Variants in ARL15 observed in about 807,000 individuals in gnomAD.
ARL15 encodes the protein ARF like GTPase 15, also known as ADP-ribosylation factor-like protein 15.
In ARL15, 19 loss-of-function variants were observed where a neutral mutation model predicts 25.2. That is an observed-to-expected ratio of 0.75 (90% CI 0.53 to 1.10). The LOEUF (loss-of-function observed/expected upper bound fraction) is 1.10. Among genes scored for constraint, ARL15 ranks in the 50% least tolerant of loss-of-function variants. ARL15 has a pLI of 0.00. For missense variants in ARL15, 220 were observed against 246.0 expected (o/e 0.89, Z 0.71); for synonymous variants, 94 against 86.8 (o/e 1.08, Z -0.46).
chr5:54,211,492 CAG>C (rs1244675645), intron 1 of ARL15, among the ~76,000 whole-genome samples: 81 of 82,762 alleles, frequency 9.8e-4, no homozygotes, highest in African/African-American at 3.6e-3. Context: ...TTTTTTGAGA[CAG>C]AGTTTCACTT....
chr5:54,237,171 G>A (rs1215920840), intron 1 of ARL15, among the ~76,000 whole-genome samples: 1 of 152,222 alleles, frequency 6.6e-6, no homozygotes, highest in Non-Finnish European at 1.5e-5. Context: ...TAGTGAATAA[G>A]TGTCAAGAGA....
At chr5:54,294,666 T>C (rs549964335) in intron 1 of ARL15, among the ~76,000 whole-genome samples, 1 of 152,370 alleles carries the variant, frequency 6.6e-6, no homozygotes, top group South Asian at 2.1e-4. Flanking sequence ...AAAGCGACTA[T>C]GTTTTATTTC....
chr5:54,183,721 A>G (rs1234512113), intron 1 of ARL15, among the ~76,000 whole-genome samples: 1 of 149,758 alleles, frequency 6.7e-6, no homozygotes. Context: ...AACTAGAAAT[A>G]CCATTTGACC....
intron 1 of ARL15, among the ~76,000 whole-genome samples, chr5:54,174,890 T>A (rs1255582083): frequency 6.6e-6 from 1 of 152,182 alleles, no homozygotes; most frequent in Non-Finnish European, 1.5e-5. Flanking sequence ...ACAACAAAAC[T>A]AGTCACACAG....
chr5:54,198,549 G>A (rs1411804426), intron 1 of ARL15, among the ~76,000 whole-genome samples: 1 of 145,864 alleles, frequency 6.9e-6, no homozygotes, highest in Non-Finnish European at 1.5e-5. Flanking sequence ...ATTCACAATT[G>A]CTTCAAAGAG....
chr5:53,918,179 G>T (rs1052509597), intron 4 of ARL15, among the ~76,000 whole-genome samples: 2 of 151,956 alleles, frequency 1.3e-5, no homozygotes, highest in Admixed American at 1.3e-4. Flanking sequence ...AGAAAAAGCA[G>T]ATTTTATTTA....
At chr5:54,308,152 T>G (rs1016032300) in intron 1 of ARL15, among the ~76,000 whole-genome samples, 1 of 152,084 alleles carries the variant, frequency 6.6e-6, no homozygotes, top group African/African-American at 2.4e-5. Flanking sequence ...AAGCAAAAGG[T>G]GAACACAAAA....
chr5:54,040,589 A>G (rs1304876236), intron 4 of ARL15, among the ~76,000 whole-genome samples: 8 of 152,188 alleles, frequency 5.3e-5, no homozygotes, highest in African/African-American at 1.9e-4. Context: ...AGAGCTACTA[A>G]CTGCATTCAT....
intron 1 of ARL15, among the ~76,000 whole-genome samples, chr5:54,277,559 A>G (rs907741902): frequency 5.9e-4 from 90 of 152,152 alleles, no homozygotes; most frequent in African/African-American, 2.0e-3. Flanking sequence ...AGACCATCCT[A>G]GCTAACATGG....
chr5:54,168,452 A>G (rs1335178652), intron 2 of ARL15, among the ~76,000 whole-genome samples: 1 of 151,032 alleles, frequency 6.6e-6, no homozygotes, highest in Non-Finnish European at 1.5e-5. Flanking sequence ...CTTGACTCAT[A>G]TTTGATTGTT....
chr5:54,039,710 G>A (rs1307079050), intron 4 of ARL15, among the ~76,000 whole-genome samples: 1 of 147,768 alleles, frequency 6.8e-6, no homozygotes, highest in Non-Finnish European at 1.5e-5. Context: ...GCTGAAGCAG[G>A]AGAATCGCTT....
In ARL15 at chr5:54,031,761, G is replaced by A. The variant is rs530272888; in HGVS notation, c.462+81441C>T. Among the ~76,000 whole-genome samples the A allele has an allele frequency of 3.3e-5, 5 of 151,890 alleles. No homozygotes were observed. The South Asian group carries it at 1.0e-3, about 32-fold the overall frequency. The stretch of plus-strand genomic sequence containing the variant: ...ATAATTGTCCTTCACCCGAGACTTC[G>A]CAAAATGCAAGAACTAAATGCAGTT... On this transcript the variant is annotated intron_variant, in intron 4 of 4. Transcript: ENST00000504924.
chr5:54,207,256 A>T (rs1333593305), intron 1 of ARL15, among the ~76,000 whole-genome samples: 1 of 152,214 alleles, frequency 6.6e-6, no homozygotes, highest in African/African-American at 2.4e-5. Context: ...CTGCACAGGG[A>T]GACTAAGAGA....
chr5:54,107,141 G>C (rs937269643), intron 4 of ARL15, among the ~76,000 whole-genome samples: 1 of 152,094 alleles, frequency 6.6e-6, no homozygotes, highest in African/African-American at 2.4e-5. Context: ...AGGGGCTAAA[G>C]CGGAACCCCG....
At chr5:53,922,902 A>C (rs1745900889) in intron 4 of ARL15, among the ~76,000 whole-genome samples, 1 of 152,224 alleles carries the variant, frequency 6.6e-6, no homozygotes, top group Non-Finnish European at 1.5e-5. Flanking sequence ...CATTTCAAGT[A>C]GAGCAGCACT....
chr5:53,979,647 G>A (rs1423725457), intron 4 of ARL15, among the ~76,000 whole-genome samples: 1 of 152,136 alleles, frequency 6.6e-6, no homozygotes, highest in East Asian at 1.9e-4. Flanking sequence ...CATAGGGCTG[G>A]AGACAATTCT....
intron 4 of ARL15, among the ~76,000 whole-genome samples, chr5:53,907,493 T>TTGTTTTG (rs1745308590): frequency 1.8e-5 from 1 of 54,818 alleles, no homozygotes; most frequent in African/African-American, 6.7e-5. Flanking sequence ...TATATATTTT[T>TTGTTTTG]TTTTTTTTTT....
chr5:54,242,787 C>T (rs1198295655), intron 1 of ARL15, among the ~76,000 whole-genome samples: 2 of 152,152 alleles, frequency 1.3e-5, no homozygotes, highest in Admixed American at 6.6e-5. Flanking sequence ...GCACTTACCC[C>T]TTTTTTTCCT....
chr5:54,085,683 G>A (rs1751942360), intron 4 of ARL15, among the ~76,000 whole-genome samples: 1 of 152,052 alleles, frequency 6.6e-6, no homozygotes, highest in Non-Finnish European at 1.5e-5. Context: ...AATTTATTAG[G>A]CTAACACTTT....
Sources: gnomAD v4.1 joint callset for allele counts (sites outside exome capture counted in the v4.1 genomes callset) on GRCh38, gnomAD v4.1.1 for gene constraint, MANE v1.5 for transcripts, NCBI Gene and HGNC (gene_info 2026-07-23, HGNC 2026-07-21) for gene names.